The following IMMT variants were observed in gnomAD, a reference collection of about 807,000 sequenced individuals.
IMMT encodes inner membrane mitochondrial protein, also known as MICOS complex subunit MIC60.
IMMT carries 40 observed loss-of-function variants against 92.7 expected under a neutral mutation model. The ratio of observed to expected loss-of-function variants is 0.43; its 90% confidence interval spans 0.34 to 0.56. IMMT has a LOEUF of 0.56. Among genes scored for constraint, IMMT ranks in the 20% least tolerant of loss-of-function variants. The pLI, the probability that IMMT is intolerant of heterozygous loss-of-function variation, is 0.03. For missense variants in IMMT, 831 were observed against 912.1 expected, an observed-to-expected ratio of 0.91 and a Z score of 1.14; for synonymous variants, 322 against 336.1, an observed-to-expected ratio of 0.96 and a Z score of 0.46.
At chr2:86,195,043 C>G in intron 1 of IMMT, 1 of 372,234 alleles carries the variant, frequency 2.7e-6, no homozygotes, top group Non-Finnish European at 5.0e-6. Context: ...CAGACGCCAG[C>G]AGCCAGGATT....
chr2:86,153,896 TCTGTTG>T (rs1253619675), intron 10 of IMMT, among the ~76,000 whole-genome samples: 2 of 152,208 alleles, frequency 1.3e-5, no homozygotes, highest in Non-Finnish European at 2.9e-5. Context: ...AGAGCCTTCC[TCTGTTG>T]CCTAGCCTGG....
intron 8 of IMMT, among the ~76,000 whole-genome samples, chr2:86,161,044 GCCCTGATCATGC>G (rs1170733353): frequency 1.3e-5 from 2 of 148,760 alleles, no homozygotes; most frequent in Non-Finnish European, 3.0e-5. Context: ...GCTATAGTGA[GCCCTGATCATGC>G]CCCTGCACTA....
At position 86,144,573 on chromosome 2, in the gene IMMT, A is replaced by ACTTT; in HGVS notation, c.1971_1972insAAAG (p.Tyr658LysfsTer27). The ACTTT allele has an allele frequency of 6.2e-7, 1 of 1,614,034 alleles. No homozygotes were observed. Among genetic ancestry groups the ACTTT allele is most frequent in the Non-Finnish European group, 8.5e-7 (1 of 1,179,888 alleles). Reference sequence around the variant, plus strand: ...AGGGACTGTAGGTAGGAGAGGAAGTACTGGTACAAGCTATTTCTGGTTTCA... The same window carrying ACTTT: ...AGGGACTGTAGGTAGGAGAGGAAGTACTTTCTGGTACAAGCTATTTCTGGTTTCA... On this transcript the variant is annotated frameshift_variant, in exon 15 of 15. Coordinates refer to ENST00000410111, the MANE Select transcript of IMMT (RefSeq NM_006839.3). LOFTEE classifies it high-confidence loss of function.
intron 7 of IMMT, among the ~76,000 whole-genome samples, chr2:86,164,879 C>T (rs1358473095): frequency 1.3e-5 from 2 of 152,090 alleles, no homozygotes; most frequent in East Asian, 3.8e-4. Flanking sequence ...TACAACCAAA[C>T]TAAATCCTAG....
At chr2:86,164,517 C>A (rs948081579) in intron 7 of IMMT, among the ~76,000 whole-genome samples, 15 of 151,684 alleles carry the variant, frequency 9.9e-5, no homozygotes, top group Admixed American at 9.8e-4. Context: ...ATAGTGAAAC[C>A]CTCTCTGTAC....
intron 10 of IMMT, 126 bp downstream of exon 10, chr2:86,158,466 C>T (rs751869204): frequency 2.9e-6 from 2 of 695,204 alleles, no homozygotes; most frequent in African/African-American, 1.8e-5. Flanking sequence ...AAATAAAACG[C>T]TGTAACAAAA....
At chr2:86,181,678 C>G (rs1558837469) in intron 1 of IMMT, among the ~76,000 whole-genome samples, 1 of 151,654 alleles carries the variant, frequency 6.6e-6, no homozygotes, top group East Asian at 1.9e-4. Flanking sequence ...TTGGTATTTG[C>G]TATATGTTTT....
At position 86,179,432 on chromosome 2, in the gene IMMT, C is replaced by A. The variant is rs748777956; in HGVS notation, c.309+1G>T. The stretch of plus-strand genomic sequence containing the variant: ...ACTGAAATATTGTTTAAAACTCTTA[C>A]CGATTTCTTTGGCAATGGAACATTA... On this transcript the variant is annotated splice_donor_variant, in intron 3 of 14. Transcript: ENST00000410111. LOFTEE classifies it high-confidence loss of function. 2 of 1,577,376 alleles carry A rather than the reference C, an allele frequency of 1.3e-6. No homozygotes were observed. Among genetic ancestry groups the A allele is most frequent in the Non-Finnish European group, 8.6e-7 (1 of 1,166,386 alleles).
At chr2:86,181,163 T>C in intron 2 of IMMT, 136 bp downstream of exon 2, 1 of 601,256 alleles carries the variant, frequency 1.7e-6, no homozygotes, top group Non-Finnish European at 3.0e-6. Flanking sequence ...ACCCCAATAA[T>C]GTTACAGCAA....
chr2:86,162,775 C>T (rs1322411411), intron 7 of IMMT, among the ~76,000 whole-genome samples: 1 of 152,154 alleles, frequency 6.6e-6, no homozygotes, highest in Middle Eastern at 3.4e-3. Flanking sequence ...ATACAGGAGG[C>T]GGAGGTTGCA....
intron 3 of IMMT, among the ~76,000 whole-genome samples, chr2:86,178,182 G>A (rs1295903155): frequency 6.6e-6 from 1 of 151,934 alleles, no homozygotes; most frequent in Non-Finnish European, 1.5e-5. Context: ...GCCAGGCGTG[G>A]TGGTGAGCGC....
chr2:86,189,996 T>C (rs1441029064), intron 1 of IMMT, among the ~76,000 whole-genome samples: 1 of 152,224 alleles, frequency 6.6e-6, no homozygotes, highest in Non-Finnish European at 1.5e-5. Flanking sequence ...CTTATCAGTA[T>C]GACAAAAGCA....
intron 12 of IMMT, among the ~76,000 whole-genome samples, chr2:86,150,057 T>G (rs1449323530): frequency 1.3e-5 from 2 of 152,122 alleles, no homozygotes; most frequent in East Asian, 3.9e-4. Flanking sequence ...AAAGCATGAT[T>G]TGGGCTGGAA....
intron 13 of IMMT, 45 bp from the exon 14 acceptor site, chr2:86,146,242 G>C (rs1473160529): frequency 1.3e-5 from 21 of 1,558,376 alleles, no homozygotes; most frequent in African/African-American, 2.7e-5. Context: ...GATACTCAAT[G>C]CATGTCATGT....
At position 86,176,813 on chromosome 2, in the gene IMMT, C is replaced by T. The variant is rs909535091; in HGVS notation, c.309+2620G>A. ...CACATCAACTGAGAAAAGAACACTT[C>T]TCTGAATTTTTCAACCTTACTCCAT... On this transcript the variant is annotated intron_variant, in intron 3 of 14. Coordinates refer to ENST00000410111, the MANE Select transcript of IMMT (RefSeq NM_006839.3). 1.2e-4 allele frequency among the ~76,000 whole-genome samples: 19 copies of T among 152,318 alleles called. 1 individual carries two copies. In the East Asian group the frequency reaches 1.9e-3, roughly 15 times the overall value.
At chr2:86,150,963 C>A (rs1306466102) in intron 12 of IMMT, among the ~76,000 whole-genome samples, 1 of 151,184 alleles carries the variant, frequency 6.6e-6, no homozygotes, top group Non-Finnish European at 1.5e-5. Context: ...ATCGCCCAAG[C>A]TGGAATGCAG....
chr2:86,157,184 CATT>C (rs1675913889), intron 10 of IMMT, among the ~76,000 whole-genome samples: 2 of 152,178 alleles, frequency 1.3e-5, no homozygotes, highest in Admixed American at 1.3e-4. Context: ...TATTTCTCCA[CATT>C]ATTCTCTCTC....
At chr2:86,157,996 CT>C (rs1287719368) in intron 10 of IMMT, among the ~76,000 whole-genome samples, 1 of 152,112 alleles carries the variant, frequency 6.6e-6, no homozygotes, top group African/African-American at 2.4e-5. Context: ...CAGGTGATCT[CT>C]GTGATTCTTA....
chr2:86,144,441 C>T lies in IMMT; in HGVS notation c.2104G>A (p.Asp702Asn), dbSNP rs535904150. ...ACAAACTTTGCTGCTAGCTCCAGAT[C>T]ACCATGCTCAATGCAATAGGAAGCA... The part of the protein sequence containing the change: ...SYASYCIEHG[D>N]LELAAKFVNQ... Residue 702 changes from aspartate (D) to asparagine (N), a missense_variant, in exon 15 of 15, where the codon GAT (aspartate) becomes AAT (asparagine). By Grantham distance (23) the Asp-to-Asn change is conservative. Transcript: ENST00000410111. 2 of 1,614,016 alleles carry T rather than the reference C, an allele frequency of 1.2e-6. No homozygotes were observed. The highest frequency in any genetic ancestry group is 1.3e-5 in the African/African-American group (1 of 75,054).
Sources: allele counts gnomAD v4.1 joint callset (sites outside exome capture counted in the v4.1 genomes callset), GRCh38; gene constraint gnomAD v4.1.1; transcripts MANE v1.5; gene names NCBI Gene and HGNC (gene_info 2026-07-23, HGNC 2026-07-21).